The following LRRTM4 variants were observed in gnomAD, a reference collection of about 807,000 sequenced individuals.
The protein encoded by LRRTM4 is leucine rich repeat transmembrane neuronal 4, also known as leucine-rich repeat transmembrane neuronal protein 4.
In LRRTM4, 25 loss-of-function variants were observed where a neutral mutation model predicts 47.6. The ratio of observed to expected loss-of-function variants is 0.53; its 90% confidence interval spans 0.38 to 0.73. LRRTM4 has a LOEUF of 0.73. LRRTM4 is among the 30% of genes least tolerant of loss of function. The pLI is 0.00. For missense variants in LRRTM4, 638 were observed against 713.4 expected (o/e 0.89, Z 1.20); for synonymous variants, 311 against 269.5 (o/e 1.15, Z -1.51).
At chr2:77,375,237 G>T (rs1247759972) in intron 3 of LRRTM4, among the ~76,000 whole-genome samples, 3 of 151,534 alleles carry the variant, frequency 2.0e-5, no homozygotes, top group Non-Finnish European at 3.0e-5. Flanking sequence ...CAGTTAATAT[G>T]ATATCCTCCC....
At chr2:77,204,447 G>T (rs889328603) in intron 3 of LRRTM4, among the ~76,000 whole-genome samples, 21 of 151,968 alleles carry the variant, frequency 1.4e-4, no homozygotes, top group Middle Eastern at 3.4e-3. Flanking sequence ...TTTTAACACT[G>T]AATCAAATAG....
At chr2:77,317,498 G>T (rs894368754) in intron 3 of LRRTM4, among the ~76,000 whole-genome samples, 1 of 152,030 alleles carries the variant, frequency 6.6e-6, no homozygotes, top group Admixed American at 6.6e-5. Flanking sequence ...CATAAATTGT[G>T]TTATCTCTGA....
At chr2:77,327,041 A>T (rs1670801981) in intron 3 of LRRTM4, among the ~76,000 whole-genome samples, 1 of 152,138 alleles carries the variant, frequency 6.6e-6, no homozygotes, top group African/African-American at 2.4e-5. Flanking sequence ...TTGTTCTTTA[A>T]TCTGGAGTTT....
chr2:77,117,148 C>G (rs1381204630), intron 3 of LRRTM4, among the ~76,000 whole-genome samples: 4 of 151,948 alleles, frequency 2.6e-5, no homozygotes, highest in Non-Finnish European at 5.9e-5. Context: ...CTTTTAATTG[C>G]TAAATGGTAT....
At chr2:76,781,655 G>T (rs1285437180) in intron 3 of LRRTM4, among the ~76,000 whole-genome samples, 3 of 152,168 alleles carry the variant, frequency 2.0e-5, no homozygotes, top group Admixed American at 6.5e-5. Flanking sequence ...CCCACTGTCT[G>T]GCACTCCCAA....
chr2:76,928,045 A>G (rs2103825368), intron 3 of LRRTM4, among the ~76,000 whole-genome samples: 1 of 152,280 alleles, frequency 6.6e-6, no homozygotes, highest in Non-Finnish European at 1.5e-5. Context: ...ATGCTCCTGT[A>G]AGGCAGAGAA....
At chr2:76,773,375 T>C (rs563915009) in intron 3 of LRRTM4, among the ~76,000 whole-genome samples, 56 of 152,352 alleles carry the variant, frequency 3.7e-4, no homozygotes, top group African/African-American at 1.2e-3. Context: ...CTTATTGCAG[T>C]AGTCTTAAAT....
At chr2:77,432,163 C>T (rs1165021187) in intron 3 of LRRTM4, among the ~76,000 whole-genome samples, 1 of 152,168 alleles carries the variant, frequency 6.6e-6, no homozygotes, top group Non-Finnish European at 1.5e-5. Context: ...TATCTTAAAG[C>T]CTGAGAATAA....
At chr2:77,439,171 C>T (rs1281438302) in intron 3 of LRRTM4, among the ~76,000 whole-genome samples, 1 of 152,108 alleles carries the variant, frequency 6.6e-6, no homozygotes, top group Admixed American at 6.6e-5. Context: ...GATTCTGCAC[C>T]TATAAAAGAA....
At chr2:77,522,013 A>C (rs1573526653) in intron 1 of LRRTM4, 96 bp downstream of exon 1, 2 of 697,648 alleles carry the variant, frequency 2.9e-6, no homozygotes, top group Middle Eastern at 4.8e-4. Flanking sequence ...ACCCATCAGC[A>C]GTAATTGGCA....
At chr2:77,136,290 A>G (rs576656737) in intron 3 of LRRTM4, among the ~76,000 whole-genome samples, 17 of 152,152 alleles carry the variant, frequency 1.1e-4, no homozygotes, top group Admixed American at 8.5e-4. Context: ...TTCCAGAAGA[A>G]CGATCAGGCA....
At chr2:77,193,341 A>G (rs1673725842) in intron 3 of LRRTM4, among the ~76,000 whole-genome samples, 1 of 152,214 alleles carries the variant, frequency 6.6e-6, no homozygotes, top group Non-Finnish European at 1.5e-5. Context: ...GAAATGCATG[A>G]CTGTATTTAA....
At chr2:77,172,598 C>T (rs1332079949) in intron 3 of LRRTM4, among the ~76,000 whole-genome samples, 2 of 150,098 alleles carry the variant, frequency 1.3e-5, no homozygotes, top group Non-Finnish European at 3.0e-5. Context: ...GTCTCAAAAA[C>T]ATAAAAAAAA....
intron 3 of LRRTM4, among the ~76,000 whole-genome samples, chr2:76,834,699 T>A (rs1461717746): frequency 6.6e-6 from 1 of 152,046 alleles, no homozygotes; most frequent in Non-Finnish European, 1.5e-5. Context: ...TATAAAAATA[T>A]CTAGTTTGTT....
At chr2:76,842,188 T>C (rs1428331227) in intron 3 of LRRTM4, among the ~76,000 whole-genome samples, 1 of 152,156 alleles carries the variant, frequency 6.6e-6, no homozygotes, top group Non-Finnish European at 1.5e-5. Context: ...GCCTGATTGC[T>C]TGGGCTGGTG....
intron 3 of LRRTM4, among the ~76,000 whole-genome samples, chr2:76,799,652 A>G (rs980252929): frequency 6.7e-5 from 9 of 133,548 alleles, no homozygotes; most frequent in Non-Finnish European, 1.4e-4. Flanking sequence ...GGAAAAGAGG[A>G]AGTCAAATTG....
rs1248933114 is a variant in LRRTM4, at chr2:77,519,556, A to C, written c.313T>G (p.Phe105Val). 1 of 1,613,504 alleles carries C rather than the reference A, an allele frequency of 6.2e-7. No individual in the cohort carries two copies. Among genetic ancestry groups the C allele is most frequent in the Admixed American group, 1.7e-5 (1 of 59,902 alleles). ...NYISSVDEDA[F>V]QGIRRLKELI... ...TCTTTCAGTCTACGGATCCCTTGAA[A>C]TGCATCTTCATCCACTGAGCTAATG... Residue 105 changes from phenylalanine to valine, a missense_variant, in exon 3 of 4, where the codon TTT (phenylalanine) becomes GTT (valine). Transcript: ENST00000409884. The surrounding 1 kb of genome is among the most constrained non-coding windows in gnomAD (Gnocchi z 4.6).
At chr2:77,019,901 G>A (rs1244333782) in intron 3 of LRRTM4, among the ~76,000 whole-genome samples, 1 of 152,134 alleles carries the variant, frequency 6.6e-6, no homozygotes, top group African/African-American at 2.4e-5. Context: ...AAGGTTGAAA[G>A]AATGTCAAAC....
At chr2:76,781,240 A>T (rs1412807756) in intron 3 of LRRTM4, among the ~76,000 whole-genome samples, 1 of 152,242 alleles carries the variant, frequency 6.6e-6, no homozygotes, top group Non-Finnish European at 1.5e-5. Flanking sequence ...GGTGGAGCCT[A>T]CAGAGGCAGG....
Sources: gnomAD v4.1 joint callset for allele counts (sites outside exome capture counted in the v4.1 genomes callset) on GRCh38, gnomAD v4.1.1 for gene constraint, Gnocchi (gnomAD v3.1) non-coding constraint, MANE v1.5 for transcripts, NCBI Gene and HGNC (gene_info 2026-07-23, HGNC 2026-07-21) for gene names.